The following ACE variants were observed in gnomAD, a reference collection of about 807,000 sequenced individuals.
ACE encodes the protein angiotensin-converting enzyme.
Under a neutral mutation model 162.3 loss-of-function variants are expected in ACE, and 122 were observed. That is an observed-to-expected ratio of 0.75 (90% CI 0.65 to 0.87). The LOEUF is 0.87. Ranked by LOEUF, ACE falls within the 40% of genes least tolerant of loss-of-function variation. The pLI is 0.00. For synonymous variants in ACE, 796 were observed against 720.6 expected (o/e 1.10, Z -1.68); for missense variants, 1,799 against 1,735.1 (o/e 1.04, Z -0.65).
chr17:63,485,090 A>C, intron 12 of ACE, 146 bp from the exon 13 acceptor site: 1 of 1,102,752 alleles, frequency 9.1e-7, no homozygotes, highest in Non-Finnish European at 1.3e-6. Context: ...GGGGAGGGGC[A>C]GGGTGCCAGG....
At position 63,483,832 on chromosome 17, in the gene ACE, C is replaced by T; in HGVS notation, c.1587-17C>T. The T allele has an allele frequency of 4.3e-6, 7 of 1,613,966 alleles. No homozygotes were observed. Among genetic ancestry groups the T allele is most frequent in the Non-Finnish European group, 5.9e-6 (7 of 1,180,022 alleles). On this transcript the variant is annotated splice_polypyrimidine_tract_variant and intron_variant, in intron 10 of 24. Transcript: ENST00000290866. ...GGCCCCCCATGATCTTCCCTGACTC[C>T]CACCCTGTGCCTGCAGGTACTTTGT...
chr17:63,486,390 A>G, intron 13 of ACE, 167 bp from the exon 14 acceptor site: 1 of 733,132 alleles, frequency 1.4e-6, no homozygotes, highest in Non-Finnish European at 2.4e-6. Context: ...TGCATCCAGG[A>G]CGTTATCAGC....
intron 19 of ACE, among the ~76,000 whole-genome samples, chr17:63,492,167 C>T (rs12709436): frequency 0.035 from 5,375 of 152,224 alleles, 326 homozygotes; most frequent in African/African-American, 0.12. Context: ...CTAGCTCGGG[C>T]GCCCTCCCAG....
rs765088731 is a variant in ACE at position 63,482,654 on chromosome 17, A to G, written c.1307A>G (p.Lys436Arg). 1.9e-6 allele frequency: 3 copies of G among 1,613,918 alleles called. No individual in the cohort carries two copies. Among genetic ancestry groups the G allele is most frequent in the Non-Finnish European group, 2.5e-6 (3 of 1,179,962 alleles). The change falls in exon 8 of 25, where the codon AAA (lysine) becomes AGA (arginine). Residue 436 changes from lysine (K) to arginine (R), a missense_variant. Coordinates refer to ENST00000290866, the MANE Select transcript of ACE (RefSeq NM_000789.4). ...LSVSTPEHLH[K>R]IGLLDRVTND... ...GTCTCCACTCCTGAACATCTGCACA[A>G]AATCGGCCTGCTGGACCGTGTCACC... is the stretch of plus-strand genomic sequence containing the variant.
chr17:63,486,641 A>C lies in ACE; in HGVS notation c.2143A>C (p.Thr715Pro). Residue 715 changes from threonine (T) to proline (P), a missense_variant, in exon 14 of 25, where the codon ACC becomes CCC. By Grantham distance (38) the Thr-to-Pro change is conservative. Transcript: ENST00000290866. Reference sequence around the variant, plus strand: ...GTTTGATGTGAACCAGTTGCAGAACACCACTATCAAGCGGATCATAAAGAA... The same window carrying C: ...GTTTGATGTGAACCAGTTGCAGAACCCCACTATCAAGCGGATCATAAAGAA... ...RKFDVNQLQN[T>P]TIKRIIKKVQ... 1 of 1,614,226 alleles carries C rather than the reference A, an allele frequency of 6.2e-7. No homozygotes were observed. The highest frequency in any genetic ancestry group is 1.3e-5 in the African/African-American group (1 of 75,056).
intron 15 of ACE, among the ~76,000 whole-genome samples, chr17:63,487,957 G>A (rs1290007313): frequency 3.9e-5 from 6 of 152,210 alleles, no homozygotes; most frequent in African/African-American, 1.4e-4. Flanking sequence ...GAGGCTGGCC[G>A]GGTGTGGTGG....
rs114488574 is a variant in ACE at position 63,481,718 on chromosome 17, C to T, written c.1098C>T (p.Phe366=). The T allele has an allele frequency of 7.6e-5, 123 of 1,614,142 alleles. No homozygotes were observed. In the African/African-American group the frequency reaches 1.4e-3, roughly 19 times the overall value. The part of the protein sequence containing the change: ...EVVCHASAWD[F]YNRKDFRIKQ... ...TGTGCCACGCCTCGGCTTGGGACTT[C>T]TACAACAGGAAAGACTTCAGGTTCA... is the stretch of plus-strand genomic sequence containing the variant. Residue 366 remains phenylalanine, a synonymous_variant, in exon 7 of 25, where the codon TTC becomes TTT. Transcript: ENST00000290866.
In ACE at chr17:63,481,673, G is replaced by A. The variant is rs771954829; in HGVS notation, c.1053G>A (p.Pro351=). ...GGGAAGGGTCGATGCTGGAGAAGCC[G>A]GCCGACGGGCGGGAAGTGGTGTGCC... ...EFWEGSMLEK[P]ADGREVVCHA... Residue 351 remains proline (P), a synonymous_variant, in exon 7 of 25, where the codon CCG becomes CCA. Coordinates refer to ENST00000290866, the MANE Select transcript of ACE (RefSeq NM_000789.4). The A allele has an allele frequency of 9.9e-6, 16 of 1,614,144 alleles. 1 individual carries two copies. The highest frequency in any genetic ancestry group is 6.7e-5 in the East Asian group (3 of 44,876).
chr17:63,480,943 T>C (rs1418319878), intron 5 of ACE, 148 bp from the exon 6 acceptor site: 1 of 747,816 alleles, frequency 1.3e-6, no homozygotes, highest in African/African-American at 1.7e-5. Context: ...GTGGGACTGA[T>C]GTGTGAGATT....
chr17:63,487,732 C>G (rs2030061066), intron 15 of ACE, among the ~76,000 whole-genome samples: 1 of 152,196 alleles, frequency 6.6e-6, no homozygotes, highest in South Asian at 2.1e-4. Flanking sequence ...TCCCTCTCAA[C>G]CCACCCTTTC....
At chr17:63,487,339 GCCGCC>G (rs1013381068) in intron 15 of ACE, among the ~76,000 whole-genome samples, 4 of 152,076 alleles carry the variant, frequency 2.6e-5, no homozygotes, top group African/African-American at 9.7e-5. Flanking sequence ...CTCTCTGCAT[GCCGCC>G]CCTCAGAGCA....
At chr17:63,482,407 C>T in intron 7 of ACE, 59 bp from the exon 8 acceptor site, 5 of 1,521,302 alleles carry the variant, frequency 3.3e-6, no homozygotes, top group South Asian at 2.3e-5. Flanking sequence ...GCCCTGTGCC[C>T]TGGCCCTGCC....
rs1458710831 is a variant in ACE, at chr17:63,479,881, T to C, written c.624T>C (p.Thr208=). The C allele has an allele frequency of 6.2e-7, 1 of 1,612,256 alleles. No individual in the cohort carries two copies. Among genetic ancestry groups the C allele is most frequent in the African/African-American group, 1.3e-5 (1 of 74,940 alleles). ...TGAAACCGCTGTACGAGGATTTCAC[T>C]GCCCTCAGCAATGAAGCCTACAAGC... ...IPLKPLYEDF[T]ALSNEAYKQD... The change falls in exon 4 of 25, where the codon ACT becomes ACC. Residue 208 remains threonine, a synonymous_variant. Transcript: ENST00000290866.
At chr17:63,486,777 C>G in intron 14 of ACE, 62 bp downstream of exon 14, 1 of 1,603,346 alleles carries the variant, frequency 6.2e-7, no homozygotes, top group Non-Finnish European at 8.5e-7. Context: ...AACACAGGGT[C>G]TGGCCTGGCC....
chr17:63,480,361 G>C lies in ACE; in HGVS notation c.680G>C (p.Trp227Ser). 6.2e-7 allele frequency: 1 copy of C among 1,613,992 alleles called. No homozygotes were observed. The highest frequency in any genetic ancestry group is 1.1e-5 in the South Asian group (1 of 91,082). The change falls in exon 5 of 25, where the codon TGG (tryptophan) becomes TCG (serine). Residue 227 changes from tryptophan (W) to serine (S), a missense_variant. Coordinates refer to ENST00000290866, the MANE Select transcript of ACE (RefSeq NM_000789.4). ...QDGFTDTGAYWRSWYNSPTFE... is the reference protein window; with the variant it reads ...QDGFTDTGAYSRSWYNSPTFE... Reference sequence around the variant, plus strand: ...GGCTTCACAGACACGGGGGCCTACTGGCGCTCCTGGTACAACTCCCCCACC... The same window carrying C: ...GGCTTCACAGACACGGGGGCCTACTCGCGCTCCTGGTACAACTCCCCCACC...
intron 10 of ACE, 45 bp from the exon 11 acceptor site, chr17:63,483,804 C>A: frequency 6.2e-7 from 1 of 1,613,296 alleles, no homozygotes; most frequent in South Asian, 1.1e-5. Flanking sequence ...AACCCCTGTT[C>A]CTGGCCCCCC....
At chr17:63,485,839 C>G (rs4325) in intron 13 of ACE, 1 of 215,110 alleles carries the variant, frequency 4.6e-6, no homozygotes, top group African/African-American at 2.4e-5. Flanking sequence ...CTGAGCAATT[C>G]TTCTTTCCTT....
intron 14 of ACE, 129 bp from the exon 15 acceptor site, chr17:63,486,857 G>C (rs1599146548): frequency 4.8e-6 from 7 of 1,464,230 alleles, no homozygotes; most frequent in Non-Finnish European, 6.7e-6. Flanking sequence ...CCTCAGAACT[G>C]CTGAGAGGGC....
Position 63,490,921 on chromosome 17 carries a change from CCT to C in ACE, c.2642-26_2642-25del, listed in dbSNP as rs1399732342. 3.7e-6 allele frequency: 6 copies of C among 1,603,176 alleles called. No homozygotes were observed. The East Asian group carries it at 1.1e-4, about 30-fold the overall frequency. On this transcript the variant is annotated intron_variant, in intron 17 of 24. Transcript: ENST00000290866. ...TTGAGCCTAAGTAACATTTGTCTTT[CCT>C]CTCTCTGCCGTCCCCCACACTCGCC... is the stretch of plus-strand genomic sequence containing the variant.
Sources: allele counts gnomAD v4.1 joint callset (sites outside exome capture counted in the v4.1 genomes callset), GRCh38; gene constraint gnomAD v4.1.1; transcripts MANE v1.5; gene names NCBI Gene and HGNC (gene_info 2026-07-23, HGNC 2026-07-21).